CDH13: variants seen among roughly 807,000 people sequenced by gnomAD.
The protein encoded by CDH13 is cadherin 13.
A neutral mutation model predicts 63.8 loss-of-function variants in CDH13; 24 were observed. The ratio of observed to expected loss-of-function variants is 0.38; its 90% CI spans 0.27 to 0.53. The LOEUF is 0.53. CDH13 is among the 20% of genes least tolerant of loss of function. The pLI, the probability that CDH13 is intolerant of heterozygous loss-of-function variation, is 0.85. For missense variants in CDH13, 1,049 were observed against 903.1 expected, an observed-to-expected ratio of 1.16 and a Z score of -2.07; for synonymous variants, 503 against 355.3, an observed-to-expected ratio of 1.42 and a Z score of -4.67.
chr16:83,184,107 C>T (rs919445051), intron 4 of CDH13, among the ~76,000 whole-genome samples: 2 of 146,770 alleles, frequency 1.4e-5, no homozygotes, highest in African/African-American at 2.6e-5. Flanking sequence ...CACACACACA[C>T]ACACACACAC....
At chr16:83,791,329 C>G (rs1388565790) in intron 13 of CDH13, among the ~76,000 whole-genome samples, 1 of 151,848 alleles carries the variant, frequency 6.6e-6, no homozygotes. Flanking sequence ...AAACTCATCT[C>G]TACTAAAGCT....
intron 4 of CDH13, chr16:83,171,492 G>C (rs938262993): frequency 1.3e-6 from 2 of 1,521,588 alleles, no homozygotes; most frequent in Non-Finnish European, 1.8e-6. Context: ...TATGAAAATA[G>C]ACTGCCCATA....
At chr16:83,540,193 T>C (rs1335666162) in intron 7 of CDH13, among the ~76,000 whole-genome samples, 1 of 151,578 alleles carries the variant, frequency 6.6e-6, no homozygotes, top group South Asian at 2.1e-4. Flanking sequence ...GCCTCCCGAG[T>C]AGCTGGTGTT....
intron 2 of CDH13, among the ~76,000 whole-genome samples, chr16:82,880,420 C>T (rs1457249621): frequency 6.6e-6 from 1 of 152,094 alleles, no homozygotes; most frequent in African/African-American, 2.4e-5. Flanking sequence ...TTTCACCTGC[C>T]GAGGGCCTTC....
At chr16:83,536,580 G>GT (rs2075194829) in intron 7 of CDH13, among the ~76,000 whole-genome samples, 1 of 152,104 alleles carries the variant, frequency 6.6e-6, no homozygotes, top group Non-Finnish European at 1.5e-5. Flanking sequence ...AGGCTGATGG[G>GT]TTTTGTCTTT....
chr16:83,311,015 G>A (rs548782162), intron 5 of CDH13, among the ~76,000 whole-genome samples: 1 of 152,320 alleles, frequency 6.6e-6, no homozygotes, highest in South Asian at 2.1e-4. Flanking sequence ...TTCCAGGACA[G>A]ATGTGGTGGG....
chr16:83,250,322 C>G (rs61628330), intron 5 of CDH13, among the ~76,000 whole-genome samples: 15,289 of 152,108 alleles, frequency 0.1, 902 homozygotes, highest in East Asian at 0.2. Context: ...TGCCAGCCAC[C>G]GTTCCAAGTG....
chr16:83,515,130 G>A (rs573384698), intron 7 of CDH13, among the ~76,000 whole-genome samples: 6 of 152,184 alleles, frequency 3.9e-5, no homozygotes, highest in African/African-American at 1.4e-4. Context: ...TTCTGGAGAC[G>A]TCATTCCATG....
At chr16:82,841,285 T>G (rs2151132228) in intron 1 of CDH13, among the ~76,000 whole-genome samples, 1 of 152,296 alleles carries the variant, frequency 6.6e-6, no homozygotes, top group African/African-American at 2.4e-5. Flanking sequence ...AGCCATGATT[T>G]TTTGCAGCCT....
intron 6 of CDH13, among the ~76,000 whole-genome samples, chr16:83,367,901 G>C (rs2091286488): frequency 6.6e-6 from 1 of 152,150 alleles, no homozygotes; most frequent in South Asian, 2.1e-4. Flanking sequence ...ACAATATTGA[G>C]TCTTCCCATC....
chr16:83,660,500 A>G (rs1398880794), intron 8 of CDH13, among the ~76,000 whole-genome samples: 1 of 152,184 alleles, frequency 6.6e-6, no homozygotes. Context: ...AGCCGTAAAT[A>G]CAGATGAAGT....
At chr16:82,719,699 A>G (rs1324186798) in intron 1 of CDH13, among the ~76,000 whole-genome samples, 1 of 152,032 alleles carries the variant, frequency 6.6e-6, no homozygotes, top group Non-Finnish European at 1.5e-5. Context: ...TACAAAATTT[A>G]TCTGGGTGTG....
At position 83,793,256 on chromosome 16, in the gene CDH13, C is replaced by T. The variant is rs566903413; in HGVS notation, c.2135-1767C>T. Among the ~76,000 whole-genome samples, 7 of 152,256 alleles carry T rather than the reference C, an allele frequency of 4.6e-5. No homozygotes were observed. The East Asian group carries it at 5.8e-4, about 13-fold the overall frequency. ...CTCTGCTGGAATTGCACAGACAAAA[C>T]GTGCTTGCGAGGAGTAAGGTGGCAA... On this transcript the variant is annotated intron_variant, in intron 13 of 13. Transcript: ENST00000567109.
At chr16:83,718,875 G>T (rs956717854) in intron 10 of CDH13, among the ~76,000 whole-genome samples, 1 of 152,198 alleles carries the variant, frequency 6.6e-6, no homozygotes, top group Non-Finnish European at 1.5e-5. Context: ...AGGGAGCTGA[G>T]GTATAAGTAC....
rs942255623 is a variant in CDH13 at position 83,156,694 on chromosome 16, T to C, written c.483+31193T>C. Among the ~76,000 whole-genome samples, 66 of 152,224 alleles carry C rather than the reference T, an allele frequency of 4.3e-4. 2 individuals carry two copies. The highest frequency in any genetic ancestry group is 7.3e-5 in the Non-Finnish European group (5 of 68,038). On this transcript the variant is annotated intron_variant, in intron 4 of 13. Transcript: ENST00000567109. Reference sequence around the variant, plus strand: ...GCTTGACTTCTGCGTCTTGACGACATGAAACCAGGCTTTGACAGCATTCAT... The same window carrying C: ...GCTTGACTTCTGCGTCTTGACGACACGAAACCAGGCTTTGACAGCATTCAT...
intron 1 of CDH13, among the ~76,000 whole-genome samples, chr16:82,709,679 G>C (rs1173341854): frequency 6.6e-6 from 1 of 152,228 alleles, no homozygotes; most frequent in Non-Finnish European, 1.5e-5. Flanking sequence ...GACTTCACAT[G>C]AGCGTTGTTG....
At chr16:83,176,669 T>A (rs1204451654) in intron 4 of CDH13, among the ~76,000 whole-genome samples, 1 of 152,112 alleles carries the variant, frequency 6.6e-6, no homozygotes, top group Non-Finnish European at 1.5e-5. Context: ...CTGCAAGGAA[T>A]ACATTTATGG....
intron 7 of CDH13, among the ~76,000 whole-genome samples, chr16:83,508,100 G>GGAAGGAAGGAAGGAA (rs1567722270): frequency 1.7e-5 from 1 of 59,666 alleles, no homozygotes; most frequent in African/African-American, 6.2e-5. Flanking sequence ...AGGAAGGAAA[G>GGAAGGAAGGAAGGAA]AAGGAAGGAA....
At chr16:82,857,978 C>T (rs891841424) in intron 1 of CDH13, among the ~76,000 whole-genome samples, 1 of 152,136 alleles carries the variant, frequency 6.6e-6, no homozygotes, top group South Asian at 2.1e-4. Flanking sequence ...CTCTTTCCTC[C>T]TCTTCATAGA....
Sources: gnomAD v4.1 joint callset for allele counts (sites outside exome capture counted in the v4.1 genomes callset) on GRCh38, gnomAD v4.1.1 for gene constraint, MANE v1.5 for transcripts, NCBI Gene and HGNC (gene_info 2026-07-23, HGNC 2026-07-21) for gene names.